FARP1: variants seen among roughly 807,000 people sequenced by gnomAD.
The protein encoded by FARP1 is FERM, ARHGEF and pleckstrin domain-containing protein 1.
FARP1 carries 52 observed loss-of-function variants against 128.8 expected under a neutral mutation model. The observed-to-expected ratio is 0.40, with a 90% CI of 0.32 to 0.51. The LOEUF is 0.51. Ranked by LOEUF, FARP1 falls within the 20% of genes least tolerant of loss-of-function variation. The probability of loss-of-function intolerance (pLI) is 0.45; values close to 1 mark genes in which losing one functional copy is unlikely to be tolerated. For missense variants in FARP1, 1,333 were observed against 1,367.9 expected (o/e 0.97, Z 0.40); for synonymous variants, 580 against 551.8 (o/e 1.05, Z -0.72).
At position 98,368,139 on chromosome 13, in the gene FARP1, G is replaced by A; in HGVS notation, c.342G>A (p.Lys114=). The part of the protein sequence containing the change: ...QIRRPKHVVV[K]FVVKFFPPDH... ...TAGGGCCAAAGCACGTTGTTGTTAA[G>A]TTTGTGGTGAAATTCTTTCCGCCTG... The change falls in exon 5 of 27, where the codon AAG becomes AAA. Residue 114 remains lysine (K), a synonymous_variant. Coordinates refer to ENST00000319562, the MANE Select transcript of FARP1 (RefSeq NM_005766.4). 6.2e-7 allele frequency: 1 copy of A among 1,613,952 alleles called. No individual in the cohort carries two copies. The highest frequency in any genetic ancestry group is 8.5e-7 in the Non-Finnish European group (1 of 1,179,900).
At chr13:98,392,488 G>A (rs1322457358) in intron 11 of FARP1, among the ~76,000 whole-genome samples, 2 of 149,986 alleles carry the variant, frequency 1.3e-5, no homozygotes, top group East Asian at 1.9e-4. Flanking sequence ...GCCACAGAGC[G>A]AGATCCTGTC....
chr13:98,247,055 C>T (rs1341038703), intron 2 of FARP1, among the ~76,000 whole-genome samples: 1 of 152,202 alleles, frequency 6.6e-6, no homozygotes, highest in Non-Finnish European at 1.5e-5. Context: ...GGTGAAACCA[C>T]GTCTCTACTA....
At chr13:98,350,616 G>A (rs907511432) in intron 3 of FARP1, among the ~76,000 whole-genome samples, 6 of 152,066 alleles carry the variant, frequency 3.9e-5, no homozygotes, top group African/African-American at 1.5e-4. Context: ...TTGTGTTACC[G>A]CCCTGATCCT....
At chr13:98,380,575 T>C (rs1386907204) in intron 6 of FARP1, among the ~76,000 whole-genome samples, 1 of 152,072 alleles carries the variant, frequency 6.6e-6, no homozygotes, top group Non-Finnish European at 1.5e-5. Flanking sequence ...ACTATAAATA[T>C]ATCCCCCCCA....
intron 8 of FARP1, chr13:98,386,025 A>G (rs1890079875): frequency 3.7e-6 from 2 of 545,560 alleles, no homozygotes; most frequent in Non-Finnish European, 6.5e-6. Flanking sequence ...TGGGGAATCC[A>G]CATTACAGAT....
intron 2 of FARP1, among the ~76,000 whole-genome samples, chr13:98,250,075 T>A (rs1242821557): frequency 6.6e-6 from 1 of 152,220 alleles, no homozygotes; most frequent in African/African-American, 2.4e-5. Flanking sequence ...ATACATCGCT[T>A]TAAATTTACT....
At chr13:98,299,116 T>G (rs534269773) in intron 2 of FARP1, among the ~76,000 whole-genome samples, 1 of 152,328 alleles carries the variant, frequency 6.6e-6, no homozygotes, top group African/African-American at 2.4e-5. Flanking sequence ...TTAAAAAATA[T>G]TGATTTTAAT....
intron 2 of FARP1, among the ~76,000 whole-genome samples, chr13:98,232,437 A>T (rs117617912): frequency 2.6e-3 from 399 of 152,276 alleles, no homozygotes; most frequent in Middle Eastern, 6.8e-3. Flanking sequence ...GGCATGCCTC[A>T]TCTTATTGCT....
At chr13:98,229,016 T>C (rs997350357) in intron 2 of FARP1, among the ~76,000 whole-genome samples, 4 of 152,252 alleles carry the variant, frequency 2.6e-5, no homozygotes, top group East Asian at 1.9e-4. Flanking sequence ...ATAAAACTTA[T>C]CTTTGAGCAA....
At chr13:98,222,630 T>G (rs1480788804) in intron 2 of FARP1, among the ~76,000 whole-genome samples, 3 of 151,728 alleles carry the variant, frequency 2.0e-5, no homozygotes, top group Admixed American at 1.3e-4. Flanking sequence ...TGCTTTTTTT[T>G]TTTGTTTTTT....
intron 1 of FARP1, among the ~76,000 whole-genome samples, chr13:98,166,854 G>A (rs1357585616): frequency 6.6e-6 from 1 of 151,768 alleles, no homozygotes; most frequent in Non-Finnish European, 1.5e-5. Flanking sequence ...CTCCTAAGAA[G>A]CTGAGACTAT....
At chr13:98,165,973 G>A (rs1877240628) in intron 1 of FARP1, among the ~76,000 whole-genome samples, 1 of 151,956 alleles carries the variant, frequency 6.6e-6, no homozygotes, top group African/African-American at 2.4e-5. Flanking sequence ...ACCTGCCTTG[G>A]CCTCCCAAAG....
At chr13:98,156,701 C>T (rs1197818964) in intron 1 of FARP1, among the ~76,000 whole-genome samples, 1 of 152,018 alleles carries the variant, frequency 6.6e-6, no homozygotes, top group Non-Finnish European at 1.5e-5. Context: ...ACCTGGCCCC[C>T]ATTATAATCT....
In FARP1 at chr13:98,446,898, G is replaced by A. The variant is rs527835904; in HGVS notation, c.3056+81G>A. The A allele has an allele frequency of 1.2e-4, 175 of 1,461,356 alleles. 1 individual carries two copies. The highest frequency in any genetic ancestry group is 5.3e-4 in the South Asian group (44 of 83,216). The allele number at this position is 1,461,356 out of a possible 1,614,324, so 90.5% of individuals were successfully genotyped here. A position where few individuals can be genotyped will look rare whatever the true frequency, so the allele number is the denominator to read the frequency against. ...ACATCAGGATTTCTCCCAAGTCAGCGAGTGAGATGGCCCCACCCTTCCCTG... is the reference window on the plus strand; with the variant it reads ...ACATCAGGATTTCTCCCAAGTCAGCAAGTGAGATGGCCCCACCCTTCCCTG... On this transcript the variant is annotated intron_variant, in intron 26 of 26. Transcript: ENST00000319562.
At chr13:98,229,607 C>T (rs1881992821) in intron 2 of FARP1, among the ~76,000 whole-genome samples, 1 of 151,460 alleles carries the variant, frequency 6.6e-6, no homozygotes, top group Non-Finnish European at 1.5e-5. Context: ...CTCAAGCGGT[C>T]CTCCCACCCC....
chr13:98,307,255 T>C (rs1309289259), intron 2 of FARP1, among the ~76,000 whole-genome samples: 1 of 152,236 alleles, frequency 6.6e-6, no homozygotes, highest in African/African-American at 2.4e-5. Flanking sequence ...TGGGTTGATA[T>C]GAAGTCATTG....
chr13:98,149,424 A>T (rs1350937102), intron 1 of FARP1, among the ~76,000 whole-genome samples: 3 of 152,150 alleles, frequency 2.0e-5, no homozygotes, highest in South Asian at 2.1e-4. Context: ...ACATTTGTGA[A>T]CAAATCTTTG....
rs531628948 is a variant in FARP1, at chr13:98,188,726, CG to C, written c.-23-24492del. On this transcript the variant is annotated intron_variant, in intron 1 of 26. Coordinates refer to ENST00000319562, the MANE Select transcript of FARP1 (RefSeq NM_005766.4). The stretch of plus-strand genomic sequence containing the variant: ...ATGGCTCTAAGGGAGGTGGAGTCTG[CG>C]GTGTCCACACCCCCTGCACTCTGAA... 1.2e-4 allele frequency among the ~76,000 whole-genome samples: 18 copies of C among 152,276 alleles called. No homozygotes were observed. In the East Asian group the frequency reaches 3.5e-3, roughly 29 times the overall value.
intron 2 of FARP1, among the ~76,000 whole-genome samples, chr13:98,277,148 A>ACACACACACACACACACCCC (rs372627844): frequency 3.6e-5 from 5 of 138,580 alleles, no homozygotes; most frequent in East Asian, 2.0e-4. Context: ...ACACACACAC[A>ACACACACACACACACACCCC]CCCCATATGT....
Sources: allele counts gnomAD v4.1 joint callset (sites outside exome capture counted in the v4.1 genomes callset), GRCh38; gene constraint gnomAD v4.1.1; transcripts MANE v1.5; gene names NCBI Gene and HGNC (gene_info 2026-07-23, HGNC 2026-07-21).